ATP10B: variants seen among roughly 807,000 people sequenced by gnomAD.
The protein encoded by ATP10B is ATPase phospholipid transporting 10B (putative), also known as phospholipid-transporting ATPase VB.
Under a neutral mutation model 141.2 loss-of-function variants are expected in ATP10B, and 122 were observed. That is an observed-to-expected ratio of 0.86 (90% CI 0.75 to 1.00). ATP10B has a LOEUF of 1.00. Ranked by LOEUF, ATP10B falls within the 50% of genes least tolerant of loss-of-function variation. ATP10B has a pLI of 0.00. For synonymous variants in ATP10B, 685 were observed against 692.0 expected, an observed-to-expected ratio of 0.99 and a Z score of 0.16; for missense variants, 1,876 against 1,825.3, an observed-to-expected ratio of 1.03 and a Z score of -0.51.
chr5:160,780,224 A>G (rs12655151), intron 2 of ATP10B, among the ~76,000 whole-genome samples: 5,134 of 152,224 alleles, frequency 0.034, 263 homozygotes, highest in East Asian at 0.26. Flanking sequence ...ACCTTAAGAG[A>G]ATGGAGGAGA....
intron 2 of ATP10B, among the ~76,000 whole-genome samples, chr5:160,779,423 A>G (rs1235414346): frequency 6.6e-6 from 1 of 152,158 alleles, no homozygotes; most frequent in South Asian, 2.1e-4. Flanking sequence ...CCTCTTGCTA[A>G]CCACCTCTCT....
chr5:160,633,084 A>T (rs925396063), intron 12 of ATP10B: 1 of 152,254 alleles, frequency 6.6e-6, no homozygotes, highest in Non-Finnish European at 1.5e-5. Flanking sequence ...GCTGAAGAGG[A>T]TGTAGAGAAA....
intron 8 of ATP10B, among the ~76,000 whole-genome samples, chr5:160,645,309 C>G (rs1416928656): frequency 6.6e-6 from 1 of 152,198 alleles, no homozygotes; most frequent in African/African-American, 2.4e-5. Flanking sequence ...GGGACCTGAA[C>G]TGCAGAAGGT....
chr5:160,917,269 CTTTTTTTTT>C, the ATP10B span, among the ~76,000 whole-genome samples: 1 of 127,692 alleles, frequency 7.8e-6, no homozygotes, highest in African/African-American at 3.0e-5. Context: ...TAGGGTACTT[CTTTTTTTTT>C]TTTTTTTTTG....
the ATP10B span, among the ~76,000 whole-genome samples, chr5:160,896,031 G>A: frequency 6.6e-6 from 1 of 152,096 alleles, no homozygotes; most frequent in African/African-American, 2.4e-5. Flanking sequence ...GGAATCTCTG[G>A]GACACAGCTA....
chr5:160,793,251 T>A (rs1771714520), intron 1 of ATP10B, among the ~76,000 whole-genome samples: 1 of 152,134 alleles, frequency 6.6e-6, no homozygotes, highest in African/African-American at 2.4e-5. Flanking sequence ...TAGACAATTC[T>A]GCTGAGCATG....
At chr5:160,833,165 A>C (rs1775206512) in intron 1 of ATP10B, among the ~76,000 whole-genome samples, 1 of 152,212 alleles carries the variant, frequency 6.6e-6, no homozygotes. Context: ...ACTAGAGAGC[A>C]GAGAGAAAAT....
chr5:160,783,582 CACACACACACACACAT>C lies in ATP10B; in HGVS notation c.-331+1961_-331+1976del, dbSNP rs1186625839. Among the ~76,000 whole-genome samples the C allele has an allele frequency of 7.1e-4, 94 of 132,598 alleles. 1 individual carries two copies. The highest frequency in any genetic ancestry group is 2.3e-4 in the Non-Finnish European group (14 of 61,892). 87.0% of individuals were successfully genotyped at this position (132,598 alleles called of 152,430 possible). A position where few individuals can be genotyped will look rare whatever the true frequency, so the allele number is the denominator to read the frequency against. Reference sequence around the variant, plus strand: ...TATGATACACACACACACACACACACACACACACACACACATACACACACACACCACAGTTTCTTCA... The same window carrying C: ...TATGATACACACACACACACACACACACACACACACACCACAGTTTCTTCA... On this transcript the variant is annotated intron_variant, in intron 2 of 25. Transcript: ENST00000327245.
intron 12 of ATP10B, chr5:160,632,935 G>A (rs1242992391): frequency 6.6e-6 from 1 of 152,126 alleles, no homozygotes; most frequent in Admixed American, 6.5e-5. Context: ...CTCAAAAGAA[G>A]ACATTTATGC....
the ATP10B span, among the ~76,000 whole-genome samples, chr5:160,876,381 A>T: frequency 1.3e-5 from 2 of 149,980 alleles, no homozygotes; most frequent in Non-Finnish European, 3.0e-5. Flanking sequence ...GACACATTCA[A>T]AGCAGTGTGT....
At chr5:160,856,720 T>C (rs1202234084), upstream of ATP10B, among the ~76,000 whole-genome samples, 1 of 151,846 alleles carries the variant, frequency 6.6e-6, no homozygotes, top group African/African-American at 2.4e-5. Flanking sequence ...GGGAGTTCTC[T>C]TGTATTTCTA....
At chr5:160,786,774 T>C (rs555667690) in intron 1 of ATP10B, among the ~76,000 whole-genome samples, 2 of 152,154 alleles carry the variant, frequency 1.3e-5, no homozygotes, top group South Asian at 4.1e-4. Context: ...ACACATACTC[T>C]ATAAAAGGCC....
At chr5:160,877,739 T>C in the ATP10B span, among the ~76,000 whole-genome samples, 43,138 of 93,482 alleles carry the variant, frequency 0.46, 11,301 homozygotes, top group East Asian at 0.75. Context: ...TATACACCAA[T>C]AACAGACAAA....
intron 6 of ATP10B, among the ~76,000 whole-genome samples, chr5:160,683,047 A>ACC (rs1561748546): frequency 6.7e-6 from 1 of 149,522 alleles, no homozygotes; most frequent in Non-Finnish European, 1.5e-5. Flanking sequence ...CCCCAAAAAA[A>ACC]AAAAAAAAAA....
the ATP10B span, among the ~76,000 whole-genome samples, chr5:160,914,090 G>A: frequency 6.6e-6 from 1 of 152,196 alleles, no homozygotes; most frequent in African/African-American, 2.4e-5. Flanking sequence ...AGATTGCAAA[G>A]TAGTTGTCAC....
chr5:160,821,706 C>A (rs1484002047), intron 1 of ATP10B, among the ~76,000 whole-genome samples: 3 of 151,954 alleles, frequency 2.0e-5, no homozygotes, highest in African/African-American at 7.2e-5. Flanking sequence ...TAAATCCGTA[C>A]ATCTATAGTG....
intron 2 of ATP10B, among the ~76,000 whole-genome samples, chr5:160,723,827 A>C (rs1232917532): frequency 1.3e-5 from 2 of 152,184 alleles, no homozygotes; most frequent in African/African-American, 2.4e-5. Context: ...TTAAAAAAGC[A>C]CACGTACGTT....
Position 160,620,881 on chromosome 5 carries a change from A to C in ATP10B, c.1882T>G (p.Leu628Val), listed in dbSNP as rs375393964. The change falls in exon 15 of 26, where the codon TTG (leucine) becomes GTG (valine). Residue 628 changes from leucine (L) to valine (V), a missense_variant. Transcript: ENST00000327245. ...LEKIQQLFQK[L>V]KLLSLSQSFS... ...GACTGGCTGAGGCTCAATAGCTTCA[A>C]CTTCTGGAAGAGCTGCTGAATCTTC... The C allele has an allele frequency of 2.5e-6, 4 of 1,614,198 alleles. No individual in the cohort carries two copies. Among genetic ancestry groups the C allele is most frequent in the Non-Finnish European group, 3.4e-6 (4 of 1,180,030 alleles).
At chr5:160,912,274 T>G in the ATP10B span, among the ~76,000 whole-genome samples, 5 of 152,060 alleles carry the variant, frequency 3.3e-5, no homozygotes, top group Non-Finnish European at 7.4e-5. Flanking sequence ...CATTTGTAAT[T>G]AGAAATATAT....
Sources: gnomAD v4.1 joint callset for allele counts (sites outside exome capture counted in the v4.1 genomes callset) on GRCh38, gnomAD v4.1.1 for gene constraint, MANE v1.5 for transcripts, NCBI Gene and HGNC (gene_info 2026-07-23, HGNC 2026-07-21) for gene names.